Variants in KCNH8 observed in about 807,000 individuals in gnomAD.
KCNH8 encodes potassium voltage-gated channel subfamily H member 8.
In KCNH8, 70 loss-of-function variants were observed where a neutral mutation model predicts 103.6. That is an observed-to-expected ratio of 0.68 (90% CI 0.56 to 0.82). The LOEUF (loss-of-function observed/expected upper bound fraction) is 0.82. Ranked by LOEUF, KCNH8 falls within the 40% of genes least tolerant of loss-of-function variation. The pLI is 0.00. For missense variants in KCNH8, 1,217 were observed against 1,329.9 expected (o/e 0.92, Z 1.32); for synonymous variants, 498 against 489.4 (o/e 1.02, Z -0.23).
At chr3:19,382,587 A>G (rs1401972808) in intron 5 of KCNH8, among the ~76,000 whole-genome samples, 1 of 152,166 alleles carries the variant, frequency 6.6e-6, no homozygotes, top group Non-Finnish European at 1.5e-5. Flanking sequence ...TACTATTAAT[A>G]TGTGACGCAG....
At chr3:19,154,174 T>C (rs1046072938) in intron 1 of KCNH8, among the ~76,000 whole-genome samples, 1 of 151,404 alleles carries the variant, frequency 6.6e-6, no homozygotes, top group Non-Finnish European at 1.5e-5. Context: ...CTTCATATAA[T>C]AAATAACTTT....
chr3:19,406,497 A>G (rs1314258134), intron 7 of KCNH8, among the ~76,000 whole-genome samples: 1 of 152,150 alleles, frequency 6.6e-6, no homozygotes, highest in Admixed American at 6.6e-5. Flanking sequence ...TTTAATTTCT[A>G]AAGGACAGTA....
chr3:19,395,456 G>T (rs1575011929), intron 7 of KCNH8, 145 bp downstream of exon 7: 1 of 577,128 alleles, frequency 1.7e-6, no homozygotes, highest in Admixed American at 3.6e-5. Flanking sequence ...TTGAATCCAT[G>T]ACACAAGTAA....
chr3:19,419,276 T>G (rs1413825383), intron 7 of KCNH8, among the ~76,000 whole-genome samples: 2 of 142,822 alleles, frequency 1.4e-5, no homozygotes, highest in Non-Finnish European at 3.0e-5. Flanking sequence ...CTCGGCTCAC[T>G]GCAAGCTCTG....
chr3:19,402,699 A>C (rs1260200048), intron 7 of KCNH8, among the ~76,000 whole-genome samples: 1 of 151,910 alleles, frequency 6.6e-6, no homozygotes, highest in Non-Finnish European at 1.5e-5. Context: ...TGCACAATAC[A>C]TGTATTTGAG....
intron 12 of KCNH8, 64 bp downstream of exon 12, chr3:19,510,465 CTT>C: frequency 1.0e-6 from 1 of 991,078 alleles, no homozygotes; most frequent in Non-Finnish European, 1.6e-6. Context: ...ATAAATCTGT[CTT>C]GTCTTTCTCT....
chr3:19,379,638 CAAAA>C (rs540674539), intron 5 of KCNH8, among the ~76,000 whole-genome samples: 1 of 141,744 alleles, frequency 7.1e-6, no homozygotes, highest in Admixed American at 7.1e-5. Context: ...CACTCTGTCT[CAAAA>C]AAAAAAGAAA....
chr3:19,225,583 T>C (rs185845276), intron 1 of KCNH8, among the ~76,000 whole-genome samples: 1 of 152,272 alleles, frequency 6.6e-6, no homozygotes. Flanking sequence ...TGTATGCTAA[T>C]ATATTTGCCC....
At chr3:19,205,194 A>G (rs756656765) in intron 1 of KCNH8, among the ~76,000 whole-genome samples, 12 of 152,012 alleles carry the variant, frequency 7.9e-5, no homozygotes, top group Non-Finnish European at 1.2e-4. Flanking sequence ...ATAGTTGATA[A>G]ATGCATATTT....
chr3:19,505,944 T>G (rs1559362921), intron 11 of KCNH8, among the ~76,000 whole-genome samples: 1 of 151,956 alleles, frequency 6.6e-6, no homozygotes, highest in Non-Finnish European at 1.5e-5. Context: ...TTTCCTCAGC[T>G]TGGTTTATTC....
chr3:19,519,771 C>A (rs2068940044), intron 15 of KCNH8, among the ~76,000 whole-genome samples: 1 of 151,876 alleles, frequency 6.6e-6, no homozygotes. Flanking sequence ...CTGCTCTTAG[C>A]TAAAACCACC....
At chr3:19,329,375 A>G (rs1050751923) in intron 3 of KCNH8, among the ~76,000 whole-genome samples, 5 of 152,204 alleles carry the variant, frequency 3.3e-5, no homozygotes, top group African/African-American at 1.2e-4. Flanking sequence ...CATCACCAAG[A>G]TTTTGGGAGA....
rs555116831 is a variant in KCNH8 at position 19,449,094 on chromosome 3, G to A, written c.1376-1012G>A. 332 of 495,798 alleles carry A rather than the reference G, an allele frequency of 6.7e-4. 5 individuals are homozygous for A. Among genetic ancestry groups the A allele is most frequent in the South Asian group, 3.2e-3 (173 of 54,734 alleles). 30.7% of individuals were successfully genotyped at this position (495,798 alleles called of 1,614,324 possible). A position where few individuals can be genotyped will look rare whatever the true frequency, so the allele number is the denominator to read the frequency against. ...AAGTGGGTAATTCCTGGAAAGTGAG[G>A]TCCATCCTTTCACTCTACTGTTCTC... On this transcript the variant is annotated intron_variant, in intron 8 of 15. Coordinates refer to ENST00000328405, the MANE Select transcript of KCNH8 (RefSeq NM_144633.3).
At chr3:19,354,756 T>C (rs1237225656) in intron 5 of KCNH8, among the ~76,000 whole-genome samples, 3 of 152,134 alleles carry the variant, frequency 2.0e-5, no homozygotes, top group Non-Finnish European at 4.4e-5. Context: ...ATTTAAATGT[T>C]AGACCTAAAA....
chr3:19,517,972 C>T (rs1559368476), intron 14 of KCNH8, 26 bp from the exon 15 acceptor site: 3 of 1,582,564 alleles, frequency 1.9e-6, no homozygotes, highest in Non-Finnish European at 2.6e-6. Flanking sequence ...CTAAAGGACT[C>T]ATTCTGTATG....
intron 1 of KCNH8, among the ~76,000 whole-genome samples, chr3:19,224,360 T>G (rs937786473): frequency 2.0e-5 from 3 of 152,114 alleles, no homozygotes; most frequent in African/African-American, 7.2e-5. Flanking sequence ...TGTGGGAAAT[T>G]AGTCTAGTGA....
At chr3:19,333,317 A>G (rs1405511467) in intron 3 of KCNH8, among the ~76,000 whole-genome samples, 1 of 152,210 alleles carries the variant, frequency 6.6e-6, no homozygotes, top group Admixed American at 6.6e-5. Context: ...TAAATGTGCT[A>G]ATTTGAAGCT....
rs188751007 is a variant in KCNH8 at position 19,306,057 on chromosome 3, A to T, written c.442+24728A>T. 1.2e-4 allele frequency among the ~76,000 whole-genome samples: 18 copies of T among 152,254 alleles called. No homozygotes were observed. The South Asian group carries it at 3.5e-3, about 30-fold the overall frequency. ...AAAGTTTTGTTTCTGGTGTGAAAGA[A>T]ATGGGAGGAGAGGATCTGGAAACTT... On this transcript the variant is annotated intron_variant, in intron 3 of 15. Transcript: ENST00000328405.
intron 1 of KCNH8, among the ~76,000 whole-genome samples, chr3:19,214,098 T>C (rs962820853): frequency 6.6e-6 from 1 of 152,180 alleles, no homozygotes; most frequent in Non-Finnish European, 1.5e-5. Flanking sequence ...GGTGATGGCC[T>C]ATTGCTGGCC....
Sources: gnomAD v4.1 joint callset for allele counts (sites outside exome capture counted in the v4.1 genomes callset) on GRCh38, gnomAD v4.1.1 for gene constraint, MANE v1.5 for transcripts, NCBI Gene and HGNC (gene_info 2026-07-23, HGNC 2026-07-21) for gene names.